The following DIP2C variants were observed in gnomAD, a reference collection of about 807,000 sequenced individuals.
DIP2C encodes DIP2 acetate--CoA ligase C (putative), also known as disco-interacting protein 2 homolog C.
A neutral mutation model predicts 192.4 loss-of-function variants in DIP2C; 33 were observed. The observed-to-expected ratio is 0.17, with a 90% CI of 0.13 to 0.23. The LOEUF (loss-of-function observed/expected upper bound fraction) is 0.23, where lower values mean the gene tolerates loss of function less well. Among genes scored for constraint, DIP2C ranks in the 10% least tolerant of loss-of-function variants. The pLI is 1.00. For synonymous variants in DIP2C, 979 were observed against 864.1 expected, an observed-to-expected ratio of 1.13 and a Z score of -2.33; for missense variants, 1,537 against 2,110.1, an observed-to-expected ratio of 0.73 and a Z score of 5.32.
intron 7 of DIP2C, among the ~76,000 whole-genome samples, chr10:414,756 T>TATATATATAA (rs1435691808): frequency 1.5e-5 from 2 of 132,766 alleles, no homozygotes; most frequent in Admixed American, 7.7e-5. Context: ...TATATATATA[T>TATATATATAA]AATGTGTATA....
At chr10:390,646 AGAG>A in intron 11 of DIP2C, 91 bp downstream of exon 11, 1 of 1,528,580 alleles carries the variant, frequency 6.5e-7, no homozygotes, top group Non-Finnish European at 8.8e-7. Flanking sequence ...TTCATTCCAC[AGAG>A]GATTGAAACC....
At chr10:398,986 C>T (rs530777723) in intron 10 of DIP2C, 123 bp downstream of exon 10, 41 of 772,726 alleles carry the variant, frequency 5.3e-5, no homozygotes, top group East Asian at 4.8e-4. Flanking sequence ...CATCCCTTAT[C>T]GAGGCAACCG....
intron 1 of DIP2C, among the ~76,000 whole-genome samples, chr10:526,069 C>A (rs944032289): frequency 1.3e-5 from 2 of 152,214 alleles, no homozygotes; most frequent in African/African-American, 4.8e-5. Flanking sequence ...TGCCTACACT[C>A]ACCATCGGTC....
intron 1 of DIP2C, among the ~76,000 whole-genome samples, chr10:655,981 C>T (rs1371981513): frequency 6.6e-6 from 1 of 151,836 alleles, no homozygotes; most frequent in Non-Finnish European, 1.5e-5. Flanking sequence ...ACTATTTGTC[C>T]TATTGTACAC....
At chr10:325,307 A>G (rs1957226832) in intron 31 of DIP2C, among the ~76,000 whole-genome samples, 1 of 152,112 alleles carries the variant, frequency 6.6e-6, no homozygotes, top group African/African-American at 2.4e-5. Context: ...ATCCAGGTGG[A>G]TGGAAATAAA....
At chr10:448,022 C>A (rs1466840046) in intron 3 of DIP2C, among the ~76,000 whole-genome samples, 1 of 84,920 alleles carries the variant, frequency 1.2e-5, no homozygotes, top group Non-Finnish European at 2.1e-5. Flanking sequence ...CTCACTCCCA[C>A]TGATGCTCAG....
At position 337,441 on chromosome 10, in the gene DIP2C, TGTGTGTGC is replaced by T. The variant is rs915897699; in HGVS notation, c.3584+3750_3584+3757del. On this transcript the variant is annotated intron_variant, in intron 29 of 36. Transcript: ENST00000280886. ...GTGTGTTGTGGAGGCCTAGGCTGAT[TGTGTGTGC>T]GTGTGTGTTGTGGAGGCCTAAGCTG... 9.1e-4 allele frequency among the ~76,000 whole-genome samples: 73 copies of T among 80,596 alleles called. 1 individual carries two copies. Among genetic ancestry groups the T allele is most frequent in the Non-Finnish European group, 1.7e-3 (66 of 39,586 alleles). 52.9% of individuals were successfully genotyped at this position (80,596 alleles called of 152,430 possible). A position where few individuals can be genotyped will look rare whatever the true frequency, so the allele number is the denominator to read the frequency against.
chr10:440,007 A>G (rs1057510919), intron 4 of DIP2C, among the ~76,000 whole-genome samples: 3 of 152,220 alleles, frequency 2.0e-5, no homozygotes, highest in African/African-American at 7.2e-5. Context: ...GTTGGAATCA[A>G]AATCACAGAA....
intron 1 of DIP2C, among the ~76,000 whole-genome samples, chr10:632,066 G>A (rs986161540): frequency 4.6e-5 from 7 of 152,200 alleles, no homozygotes; most frequent in South Asian, 2.1e-4. Flanking sequence ...ATAAAAGCAC[G>A]ATTATTTTAT....
At chr10:579,814 AAT>A (rs954576031) in intron 1 of DIP2C, among the ~76,000 whole-genome samples, 58 of 150,658 alleles carry the variant, frequency 3.8e-4, no homozygotes, top group African/African-American at 1.4e-3. Context: ...GGTACACTAT[AAT>A]GTGTACATGC....
At chr10:625,010 G>A (rs542272478) in intron 1 of DIP2C, among the ~76,000 whole-genome samples, 3 of 152,346 alleles carry the variant, frequency 2.0e-5, no homozygotes, top group East Asian at 1.9e-4. Context: ...CCAGGGCCCA[G>A]GAGCATGTGT....
intron 3 of DIP2C, among the ~76,000 whole-genome samples, chr10:467,565 TAAAAAA>T (rs71376835): frequency 7.7e-6 from 1 of 130,410 alleles, no homozygotes; most frequent in Non-Finnish European, 1.6e-5. Flanking sequence ...TATTTAAGTG[TAAAAAA>T]AAAAAAAAAA....
chr10:571,747 G>C (rs190011796), intron 1 of DIP2C, among the ~76,000 whole-genome samples: 2 of 152,164 alleles, frequency 1.3e-5, no homozygotes, highest in Non-Finnish European at 2.9e-5. Flanking sequence ...TCCTCACGGC[G>C]CTGGTGCCCA....
chr10:491,444 C>T (rs929498239), intron 1 of DIP2C, among the ~76,000 whole-genome samples: 1 of 152,206 alleles, frequency 6.6e-6, no homozygotes, highest in Admixed American at 6.5e-5. Flanking sequence ...AAGGCAAGGC[C>T]GCAGCCTCGT....
intron 1 of DIP2C, among the ~76,000 whole-genome samples, chr10:596,061 C>T (rs1851681198): frequency 6.6e-6 from 1 of 152,158 alleles, no homozygotes. Flanking sequence ...CCTCCGCCTC[C>T]CTCTGCTCAA....
chr10:619,553 A>G (rs1241589083), intron 1 of DIP2C, among the ~76,000 whole-genome samples: 1 of 7,760 alleles, frequency 1.3e-4, no homozygotes, highest in African/African-American at 5.2e-4. Flanking sequence ...CCTCCCACCC[A>G]GCTCCTCACG....
At chr10:645,636 C>A (rs1156958607) in intron 1 of DIP2C, among the ~76,000 whole-genome samples, 1 of 152,120 alleles carries the variant, frequency 6.6e-6, no homozygotes, top group African/African-American at 2.4e-5. Flanking sequence ...AAAAAATACT[C>A]TTTTTAACAA....
chr10:657,447 G>T (rs1250783675), intron 1 of DIP2C, among the ~76,000 whole-genome samples: 1 of 11,116 alleles, frequency 9.0e-5, no homozygotes, highest in Non-Finnish European at 2.9e-4. Context: ...ACCTGACGCT[G>T]GACCTGATGC....
intron 14 of DIP2C, among the ~76,000 whole-genome samples, chr10:385,182 C>T (rs1373233632): frequency 6.6e-6 from 1 of 151,646 alleles, no homozygotes; most frequent in Non-Finnish European, 1.5e-5. Context: ...CAGGGAGCAC[C>T]ACGGACACCG....
Sources: gnomAD v4.1 joint callset for allele counts (sites outside exome capture counted in the v4.1 genomes callset) on GRCh38, gnomAD v4.1.1 for gene constraint, MANE v1.5 for transcripts, NCBI Gene and HGNC (gene_info 2026-07-23, HGNC 2026-07-21) for gene names.